The following DCP2 variants were observed in gnomAD, a reference collection of about 807,000 sequenced individuals.
DCP2 encodes decapping mRNA 2.
Under a neutral mutation model 56.1 loss-of-function variants are expected in DCP2, and 30 were observed. The ratio of observed to expected loss-of-function variants is 0.53; its 90% CI spans 0.40 to 0.73. The LOEUF (loss-of-function observed/expected upper bound fraction) is 0.73, where lower values mean the gene tolerates loss of function less well. Among genes scored for constraint, DCP2 ranks in the 30% least tolerant of loss-of-function variants. The pLI is 0.00. For missense variants in DCP2, 533 were observed against 502.7 expected, an observed-to-expected ratio of 1.06 and a Z score of -0.58; for synonymous variants, 197 against 163.3, an observed-to-expected ratio of 1.21 and a Z score of -1.57.
At chr5:112,989,428 C>CAA (rs374024550) in intron 2 of DCP2, among the ~76,000 whole-genome samples, 6 of 135,104 alleles carry the variant, frequency 4.4e-5, no homozygotes, top group South Asian at 2.4e-4. Flanking sequence ...ACTATTACTC[C>CAA]AAAAAAAAAA....
At chr5:112,977,081 A>G (rs1400233331) in intron 1 of DCP2, 95 bp downstream of exon 1, 4 of 943,808 alleles carry the variant, frequency 4.2e-6, no homozygotes, top group Non-Finnish European at 3.0e-6. Flanking sequence ...GCCCACGTCC[A>G]TGTCCTCGCT....
At chr5:113,012,848 T>G (rs1484025649) in intron 10 of DCP2, among the ~76,000 whole-genome samples, 1 of 152,104 alleles carries the variant, frequency 6.6e-6, no homozygotes, top group Non-Finnish European at 1.5e-5. Flanking sequence ...TTCACCATCT[T>G]GGCCAGGCTG....
At chr5:112,997,327 G>A (rs1359327526) in intron 4 of DCP2, among the ~76,000 whole-genome samples, 1 of 152,220 alleles carries the variant, frequency 6.6e-6, no homozygotes, top group Non-Finnish European at 1.5e-5. Flanking sequence ...GTTGTGATTT[G>A]TGGTGAAACA....
intron 9 of DCP2, among the ~76,000 whole-genome samples, chr5:113,008,560 G>A (rs746395844): frequency 6.6e-6 from 1 of 152,086 alleles, no homozygotes; most frequent in African/African-American, 2.4e-5. Context: ...TATCTTTTCT[G>A]TAAGTTCTGA....
In DCP2 at chr5:112,990,968, C is replaced by G. The variant is rs1748559919; in HGVS notation, c.206-1153C>G. ...TGAGGGTGTTTTGAGTTTGGTGTACCTGTACTAACACCACCTTTCTCTGCT... is the reference window on the plus strand; with the variant it reads ...TGAGGGTGTTTTGAGTTTGGTGTACGTGTACTAACACCACCTTTCTCTGCT... On this transcript the variant is annotated intron_variant, in intron 2 of 10. Coordinates refer to ENST00000389063, the MANE Select transcript of DCP2 (RefSeq NM_152624.6). Among the ~76,000 whole-genome samples, 3 of 152,030 alleles carry G rather than the reference C, an allele frequency of 2.0e-5. 1 individual carries two copies. The highest frequency in any genetic ancestry group is 4.8e-5 in the African/African-American group (2 of 41,446).
intron 10 of DCP2, among the ~76,000 whole-genome samples, chr5:113,011,271 C>G (rs866512225): frequency 6.6e-6 from 1 of 152,072 alleles, no homozygotes; most frequent in Non-Finnish European, 1.5e-5. Context: ...ACATTTTTCC[C>G]TCTTTTGGAG....
chr5:113,010,191 C>G (rs1402247142), intron 9 of DCP2, among the ~76,000 whole-genome samples: 1 of 151,098 alleles, frequency 6.6e-6, no homozygotes, highest in African/African-American at 2.4e-5. Flanking sequence ...TGGCACCACA[C>G]CCTACTAATT....
Position 113,018,662 on chromosome 5 carries a change from T to C in DCP2, c.*5178T>C, listed in dbSNP as rs1749988836. 6.6e-6 allele frequency: 1 copy of C among 152,218 alleles called. No individual in the cohort carries two copies. The highest frequency in any genetic ancestry group is 2.4e-5 in the African/African-American group (1 of 41,438). 9.4% of individuals were successfully genotyped at this position (152,218 alleles called of 1,614,324 possible). The stretch of plus-strand genomic sequence containing the variant: ...AGGTTTCCTGCAGGTGGTTGGGTGG[T>C]TTTTGGGTTATTGGCTACTGTTCGT... On this transcript the variant is annotated 3_prime_UTR_variant, in exon 11 of 11. Transcript: ENST00000389063.
Position 113,021,450 on chromosome 5 carries a change from A to G in DCP2, c.*7966A>G, listed in dbSNP as rs578126223. ...CGAGAGTCTCTGCAAAAATGAAAAT[A>G]CCTCAAACAATTAAGTTTGTTGCTT... is the stretch of plus-strand genomic sequence containing the variant. On this transcript the variant is annotated 3_prime_UTR_variant, in exon 11 of 11. Coordinates refer to ENST00000389063, the MANE Select transcript of DCP2 (RefSeq NM_152624.6). Among the ~76,000 whole-genome samples the G allele has an allele frequency of 5.3e-5, 8 of 151,572 alleles. No individual in the cohort carries two copies. In the South Asian group the frequency reaches 1.7e-3, roughly 32 times the overall value.
intron 4 of DCP2, among the ~76,000 whole-genome samples, chr5:112,999,182 G>C (rs1344719483): frequency 6.6e-6 from 1 of 152,092 alleles, no homozygotes; most frequent in Admixed American, 6.6e-5. Flanking sequence ...TTTACTTTTA[G>C]CATAATTTCC....
chr5:113,013,265 A>T (rs938255007), intron 10 of DCP2, 56 bp from the exon 11 acceptor site: 1 of 1,547,880 alleles, frequency 6.5e-7, no homozygotes, highest in African/African-American at 1.4e-5. Context: ...AAAGGGCAGT[A>T]TTTGATTTCT....
At position 112,978,785 on chromosome 5, in the gene DCP2, A is replaced by G. The variant is rs577092687; in HGVS notation, c.53+1799A>G. Among the ~76,000 whole-genome samples the G allele has an allele frequency of 1.6e-3, 242 of 152,130 alleles. 1 individual carries two copies. Among genetic ancestry groups the G allele is most frequent in the South Asian group, 2.9e-3 (14 of 4,828 alleles). On this transcript the variant is annotated intron_variant, in intron 1 of 10. Coordinates refer to ENST00000389063, the MANE Select transcript of DCP2 (RefSeq NM_152624.6). ...GTGGGATTATGAGATTGTGATCTTTATTTTTTGTTTCCAATATTTTTTATG... is the reference window on the plus strand; with the variant it reads ...GTGGGATTATGAGATTGTGATCTTTGTTTTTTGTTTCCAATATTTTTTATG...
intron 3 of DCP2, 119 bp downstream of exon 3, chr5:112,992,367 C>G: frequency 7.7e-7 from 1 of 1,300,134 alleles, no homozygotes. Context: ...ATTTTTAGTG[C>G]TAAAAGGCCA....
intron 1 of DCP2, among the ~76,000 whole-genome samples, chr5:112,979,645 G>A (rs1040694711): frequency 6.6e-6 from 1 of 152,164 alleles, no homozygotes; most frequent in African/African-American, 2.4e-5. Context: ...GCCTTTTGAT[G>A]TGGAGAGCAG....
At chr5:112,977,544 T>TC (rs1233224958) in intron 1 of DCP2, among the ~76,000 whole-genome samples, 2 of 152,210 alleles carry the variant, frequency 1.3e-5, no homozygotes, top group African/African-American at 2.4e-5. Context: ...ACTTTTTTTT[T>TC]CTCATCCCTG....
chr5:113,006,080 C>G (rs1344475919), intron 8 of DCP2, among the ~76,000 whole-genome samples: 4 of 145,386 alleles, frequency 2.8e-5, no homozygotes, highest in Non-Finnish European at 5.9e-5. Flanking sequence ...GGCGCCATTG[C>G]ACTCCAGCCT....
intron 9 of DCP2, among the ~76,000 whole-genome samples, chr5:113,009,633 G>C (rs972374207): frequency 1.3e-5 from 2 of 149,552 alleles, no homozygotes; most frequent in Non-Finnish European, 3.0e-5. Flanking sequence ...TGATGAAAAC[G>C]TGGAAAACAA....
rs148302285 is a variant in DCP2, at chr5:112,978,755, C to T, written c.53+1769C>T. On this transcript the variant is annotated intron_variant, in intron 1 of 10. Coordinates refer to ENST00000389063, the MANE Select transcript of DCP2 (RefSeq NM_152624.6). ...GGTTAATGACTAGACGCACATCAAC[C>T]AATAGTGGGATTATGAGATTGTGAT... Among the ~76,000 whole-genome samples the T allele has an allele frequency of 1.7e-4, 26 of 151,014 alleles. No homozygotes were observed. The East Asian group carries it at 3.9e-3, about 23-fold the overall frequency.
chr5:112,991,890 T>C (rs897088773), intron 2 of DCP2, among the ~76,000 whole-genome samples: 2 of 152,142 alleles, frequency 1.3e-5, no homozygotes, highest in Non-Finnish European at 2.9e-5. Context: ...ACAATGACTT[T>C]TTAAGAGAAA....
Sources: allele counts gnomAD v4.1 joint callset (sites outside exome capture counted in the v4.1 genomes callset), GRCh38; gene constraint gnomAD v4.1.1; transcripts MANE v1.5; gene names NCBI Gene and HGNC (gene_info 2026-07-23, HGNC 2026-07-21).